Variants in GRIK5 observed in about 807,000 individuals in gnomAD.
GRIK5 encodes glutamate ionotropic receptor kainate type subunit 5, also known as glutamate receptor ionotropic, kainate 5.
Under a neutral mutation model 97.4 loss-of-function variants are expected in GRIK5, and 43 were observed. The ratio of observed to expected loss-of-function variants is 0.44; its 90% CI spans 0.35 to 0.57. The LOEUF is 0.57. GRIK5 is among the 20% of genes least tolerant of loss of function. The probability of loss-of-function intolerance (pLI) is 0.01; values close to 1 mark genes in which losing one functional copy is unlikely to be tolerated. For synonymous variants in GRIK5, 580 were observed against 583.5 expected (o/e 0.99, Z 0.09); for missense variants, 1,015 against 1,382.0 (o/e 0.73, Z 4.21).
In GRIK5 at chr19:42,054,395, G is replaced by C. The variant is rs150196835; in HGVS notation, c.981C>G (p.Ile327Met). ...ATGTACAGGCCAGAGGCTTCACACC[G>C]ATCTCCTGGCTGCGGTTCAGCTCTC... ...AVRELNRSQE[I>M]GVKPLACTSA... Residue 327 changes from isoleucine to methionine, a missense_variant, in exon 9 of 20, where the codon ATC (isoleucine) becomes ATG (methionine). Transcript: ENST00000593562. The C allele has an allele frequency of 6.2e-7, 1 of 1,613,570 alleles. No individual in the cohort carries two copies. Among genetic ancestry groups the C allele is most frequent in the African/African-American group, 1.3e-5 (1 of 74,910 alleles).
rs954503208 is a variant in GRIK5, at chr19:42,021,841, A to G, written c.1697+106T>C. 1.4e-5 allele frequency: 10 copies of G among 698,964 alleles called. No individual in the cohort carries two copies. The highest frequency in any genetic ancestry group is 5.3e-5 in the Admixed American group (2 of 37,666). The allele number at this position is 698,964 out of a possible 1,614,324, so 43.3% of individuals were successfully genotyped here. ...AGGGCACAGGGAATCCGAGGCCCCA[A>G]AGGGGAGGCCAAGGACAGTTCCGAG... On this transcript the variant is annotated intron_variant, in intron 14 of 19. Transcript: ENST00000593562. This position sits in a 1 kb window ranked among gnomAD's most constrained non-coding sequence, Gnocchi z 4.2.
chr19:42,058,030 G>A (rs956262886), intron 6 of GRIK5, among the ~76,000 whole-genome samples: 1 of 152,154 alleles, frequency 6.6e-6, no homozygotes, highest in African/African-American at 2.4e-5. Context: ...CTGTTCACAC[G>A]GCTGGCACGG....
At chr19:42,025,499 T>C (rs1005200732) in intron 12 of GRIK5, among the ~76,000 whole-genome samples, 6 of 152,040 alleles carry the variant, frequency 3.9e-5, no homozygotes, top group African/African-American at 1.4e-4. Flanking sequence ...CTCTGGCCAA[T>C]ATGGCGGCGG....
Position 42,062,455 on chromosome 19 carries a change from G to T in GRIK5, c.508+33C>A. ...ATCTCTTGGGAAGGGGTGTCTGGGG[G>T]AACAGAAAACAAAACATTCAGTTCT... On this transcript the variant is annotated intron_variant, in intron 5 of 19. Transcript: ENST00000593562. The surrounding 1 kb of genome is among the most constrained non-coding windows in gnomAD (Gnocchi z 5.3). 1 of 1,610,378 alleles carries T rather than the reference G, an allele frequency of 6.2e-7. No individual in the cohort carries two copies.
At chr19:42,024,737 C>T (rs1012712653) in intron 12 of GRIK5, among the ~76,000 whole-genome samples, 2 of 152,144 alleles carry the variant, frequency 1.3e-5, no homozygotes, top group African/African-American at 4.8e-5. Flanking sequence ...CTGGGCCACT[C>T]GCCACCCCTC....
chr19:42,031,664 A>G (rs1397252098), intron 12 of GRIK5, among the ~76,000 whole-genome samples: 1 of 152,232 alleles, frequency 6.6e-6, no homozygotes, highest in Non-Finnish European at 1.5e-5. Context: ...AGCCGATAAA[A>G]ACACTCAATG....
In GRIK5 at chr19:42,053,904, C is replaced by T. The variant is rs137900269; in HGVS notation, c.1082G>A (p.Arg361Gln). ...CTGCCCTTTGCTGTTGAACTCGACC[C>T]GCCCGGTCAGCCCATCATACTCTAC... Reference protein sequence around the residue: ...RMVEYDGLTGRVEFNSKGQRT... With the variant: ...RMVEYDGLTGQVEFNSKGQRT... Residue 361 changes from arginine (R) to glutamine (Q), a missense_variant, in exon 10 of 20, where the codon CGG (arginine) becomes CAG (glutamine). Transcript: ENST00000593562. 85 of 1,613,736 alleles carry T rather than the reference C, an allele frequency of 5.3e-5. No individual in the cohort carries two copies. The highest frequency in any genetic ancestry group is 6.8e-5 in the Non-Finnish European group (80 of 1,179,742).
chr19:42,045,971 G>A (rs1379669747), intron 11 of GRIK5, among the ~76,000 whole-genome samples: 1 of 152,184 alleles, frequency 6.6e-6, no homozygotes, highest in Admixed American at 6.5e-5. Flanking sequence ...GCCAGAGAGA[G>A]ACGAGGGACC....
At chr19:42,057,204 C>T (rs2076198298) in intron 6 of GRIK5, among the ~76,000 whole-genome samples, 1 of 152,130 alleles carries the variant, frequency 6.6e-6, no homozygotes, top group Non-Finnish European at 1.5e-5. Flanking sequence ...ATGCTGACTG[C>T]TGTCCCAGGT....
rs1278581708 is a variant in GRIK5 at position 42,056,832 on chromosome 19, A to C, written c.742-9T>G. 6.2e-7 allele frequency: 1 copy of C among 1,613,978 alleles called. No homozygotes were observed. Among genetic ancestry groups the C allele is most frequent in the Non-Finnish European group, 8.5e-7 (1 of 1,179,970 alleles). On this transcript the variant is annotated splice_polypyrimidine_tract_variant and intron_variant, in intron 7 of 19. Coordinates refer to ENST00000593562, the MANE Select transcript of GRIK5 (RefSeq NM_002088.5). ...TGCAGGATGGGGAAGTCCTGGGACC[A>C]GGAAGAGGTGGTGAGGCCTGGGGCT...
rs1332864072 is a variant in GRIK5 at position 42,042,914 on chromosome 19, G to A, written c.1270-159C>T. On this transcript the variant is annotated intron_variant, in intron 11 of 19. Transcript: ENST00000593562. This position sits in a 1 kb window ranked among gnomAD's most constrained non-coding sequence, Gnocchi z 6.9. Reference sequence around the variant, plus strand: ...TTCTCACTTACAAATGCTCAGAGTGGGGAATAGACCTGAAAGCCAGGGAAA... The same window carrying A: ...TTCTCACTTACAAATGCTCAGAGTGAGGAATAGACCTGAAAGCCAGGGAAA... 1.1e-5 allele frequency: 7 copies of A among 631,488 alleles called. No homozygotes were observed. Among genetic ancestry groups the A allele is most frequent in the Non-Finnish European group, 1.9e-5 (7 of 362,838 alleles). 39.1% of individuals were successfully genotyped at this position (631,488 alleles called of 1,614,324 possible).
In GRIK5 at chr19:42,013,570, C is replaced by T. The variant is rs953640410; in HGVS notation, c.1872-6760G>A. Among the ~76,000 whole-genome samples, 47 of 151,698 alleles carry T rather than the reference C, an allele frequency of 3.1e-4. 2 individuals carry two copies. The highest frequency in any genetic ancestry group is 2.8e-3 in the Admixed American group (42 of 15,232). On this transcript the variant is annotated intron_variant, in intron 15 of 19. Transcript: ENST00000593562. Reference sequence around the variant, plus strand: ...GACTACAGGCACCCGCCACCGCACCCGGCTAATTTTTTGTATCTTTTAGTA... The same window carrying T: ...GACTACAGGCACCCGCCACCGCACCTGGCTAATTTTTTGTATCTTTTAGTA...
chr19:42,026,755 A>T (rs1210974704), intron 12 of GRIK5, among the ~76,000 whole-genome samples: 2 of 150,244 alleles, frequency 1.3e-5, no homozygotes, highest in Non-Finnish European at 3.0e-5. Context: ...TTTAGTAGAG[A>T]AGGGGTTTCG....
chr19:42,036,539 A>G (rs1185640740), intron 12 of GRIK5, among the ~76,000 whole-genome samples: 1 of 152,014 alleles, frequency 6.6e-6, no homozygotes, highest in East Asian at 1.9e-4. Context: ...CAATTTTTGT[A>G]GAGATAGGGT....
chr19:42,045,250 T>C (rs1029849090), intron 11 of GRIK5, among the ~76,000 whole-genome samples: 1 of 152,226 alleles, frequency 6.6e-6, no homozygotes, highest in African/African-American at 2.4e-5. Flanking sequence ...CCTTATGACT[T>C]GTTTTGGCCA....
chr19:42,062,747 C>T lies in GRIK5; in HGVS notation c.342+11G>A. The stretch of plus-strand genomic sequence containing the variant: ...TCCCCACAAAGCGCCGGCCCACACT[C>T]CCCATCTCACCTCCTTCTCTCCACA... On this transcript the variant is annotated intron_variant, in intron 4 of 19. Transcript: ENST00000593562. This position sits in a 1 kb window ranked among gnomAD's most constrained non-coding sequence, Gnocchi z 5.3. The T allele has an allele frequency of 1.2e-6, 2 of 1,612,512 alleles. No homozygotes were observed. Among genetic ancestry groups the T allele is most frequent in the African/African-American group, 1.3e-5 (1 of 75,028 alleles).
chr19:42,005,251 A>AC lies in GRIK5; in HGVS notation c.2263+471_2263+472insG, dbSNP rs537878504. The stretch of plus-strand genomic sequence containing the variant: ...AGACTCCGTCTCAAAAAAAAAAAAA[A>AC]AAAAAACAAAACACCAAACTTGTCC... On this transcript the variant is annotated intron_variant, in intron 17 of 19. Coordinates refer to ENST00000593562, the MANE Select transcript of GRIK5 (RefSeq NM_002088.5). 2.2e-3 allele frequency among the ~76,000 whole-genome samples: 326 copies of AC among 151,324 alleles called. 1 individual carries two copies. The highest frequency in any genetic ancestry group is 3.4e-3 in the Non-Finnish European group (229 of 67,806).
rs1253152554 is a variant in GRIK5 at position 42,018,635 on chromosome 19, A to G, written c.1871+2666T>C. The stretch of plus-strand genomic sequence containing the variant: ...GATCGTGCCACAGCACTCCAGCCTG[A>G]GCAACAAAGCAAGACTCTGTCTCAA... On this transcript the variant is annotated intron_variant, in intron 15 of 19. Transcript: ENST00000593562. 3.2e-5 allele frequency among the ~76,000 whole-genome samples: 4 copies of G among 126,970 alleles called. 1 individual carries two copies. In the South Asian group the frequency reaches 1.1e-3, roughly 34 times the overall value. 83.3% of individuals were successfully genotyped at this position (126,970 alleles called of 152,430 possible).
At chr19:42,011,116 AACACAC>A (rs112305468) in intron 15 of GRIK5, among the ~76,000 whole-genome samples, 2 of 146,486 alleles carry the variant, frequency 1.4e-5, no homozygotes, top group African/African-American at 2.5e-5. Flanking sequence ...TTTACTATCT[AACACAC>A]ACACACACAC....
Sources: gnomAD v4.1 joint callset for allele counts (sites outside exome capture counted in the v4.1 genomes callset) on GRCh38, gnomAD v4.1.1 for gene constraint, Gnocchi (gnomAD v3.1) non-coding constraint, MANE v1.5 for transcripts, NCBI Gene and HGNC (gene_info 2026-07-23, HGNC 2026-07-21) for gene names.